Variants in SGK1 observed in about 807,000 individuals in gnomAD.
SGK1 encodes the protein serum/glucocorticoid regulated kinase 1.
Under a neutral mutation model 64.2 loss-of-function variants are expected in SGK1, and 26 were observed. The observed-to-expected ratio is 0.40, with a 90% CI of 0.30 to 0.56. The LOEUF (loss-of-function observed/expected upper bound fraction) is 0.56. Ranked by LOEUF, SGK1 falls within the 20% of genes least tolerant of loss-of-function variation. SGK1 has a pLI of 0.38. For synonymous variants in SGK1, 265 were observed against 239.7 expected (o/e 1.11, Z -0.98); for missense variants, 519 against 645.6 (o/e 0.80, Z 2.12).
At chr6:134,188,576 G>A (rs936195849) in intron 3 of SGK1, among the ~76,000 whole-genome samples, 1 of 152,130 alleles carries the variant, frequency 6.6e-6, no homozygotes, top group Non-Finnish European at 1.5e-5. Context: ...GTTACCCATA[G>A]CATGAGGGTA....
At chr6:134,174,752 C>T in intron 3 of SGK1, 166 bp from the exon 4 acceptor site, 3 of 1,614,202 alleles carry the variant, frequency 1.9e-6, no homozygotes, top group African/African-American at 1.3e-5. Context: ...TGCCACCATG[C>T]CCCTCATCCT....
chr6:134,205,443 C>T (rs891591989), intron 3 of SGK1, among the ~76,000 whole-genome samples: 1 of 151,220 alleles, frequency 6.6e-6, no homozygotes, highest in African/African-American at 2.4e-5. Context: ...AAAAAAAAGC[C>T]ATCAGAAAGT....
intron 1 of SGK1, among the ~76,000 whole-genome samples, chr6:134,304,319 A>G (rs1337963042): frequency 2.0e-5 from 3 of 152,236 alleles, no homozygotes; most frequent in Non-Finnish European, 4.4e-5. Flanking sequence ...TTGCTTTGCA[A>G]TAATAGTAAC....
chr6:134,220,358 G>A (rs1776071147), intron 2 of SGK1, among the ~76,000 whole-genome samples: 1 of 152,100 alleles, frequency 6.6e-6, no homozygotes, highest in Non-Finnish European at 1.5e-5. Context: ...TCTGAGGGAG[G>A]CCAAGTGGCT....
chr6:134,285,477 CAAAAAA>C (rs778766999), intron 1 of SGK1, among the ~76,000 whole-genome samples: 1 of 68,468 alleles, frequency 1.5e-5, no homozygotes. Flanking sequence ...GACTCTGCCT[CAAAAAA>C]AAAAAAAAAA....
At chr6:134,228,035 A>G (rs1426586591) in intron 2 of SGK1, among the ~76,000 whole-genome samples, 4 of 135,512 alleles carry the variant, frequency 3.0e-5, no homozygotes, top group Admixed American at 8.9e-5. Context: ...GCTCACTGCA[A>G]CCTCCACCTC....
intron 1 of SGK1, among the ~76,000 whole-genome samples, chr6:134,315,807 A>G (rs1227171714): frequency 6.6e-6 from 1 of 152,198 alleles, no homozygotes; most frequent in Non-Finnish European, 1.5e-5. Flanking sequence ...TGGGAGGCTG[A>G]GGCAGGAGGA....
chr6:134,278,248 G>A (rs756578151), intron 1 of SGK1, among the ~76,000 whole-genome samples: 1 of 152,156 alleles, frequency 6.6e-6, no homozygotes, highest in Non-Finnish European at 1.5e-5. Context: ...CCATAACTTT[G>A]CATTTCTTCC....
chr6:134,302,939 G>C (rs186205980), intron 1 of SGK1, among the ~76,000 whole-genome samples: 1 of 151,880 alleles, frequency 6.6e-6, no homozygotes, highest in Admixed American at 6.6e-5. Flanking sequence ...GTTTTTAGTC[G>C]AGAAAGGGTT....
At chr6:134,213,643 T>TAATAAATA (rs1554221312) in intron 2 of SGK1, among the ~76,000 whole-genome samples, 304 of 27,854 alleles carry the variant, frequency 0.011, 2 homozygotes, top group South Asian at 0.025. Context: ...AATAAATAAA[T>TAATAAATA]AATAAATAAA....
chr6:134,269,999 G>A (rs574174595), intron 1 of SGK1, among the ~76,000 whole-genome samples: 1 of 147,190 alleles, frequency 6.8e-6, no homozygotes, highest in Admixed American at 6.9e-5. Flanking sequence ...TCAGCTCACT[G>A]CAACCTCCGC....
chr6:134,298,491 T>G (rs1401078107), intron 1 of SGK1: 11 of 811,270 alleles, frequency 1.4e-5, no homozygotes, highest in Non-Finnish European at 2.4e-5. Flanking sequence ...CAGGCTCTGG[T>G]TGACTGTGAC....
chr6:134,208,241 T>G (rs1474780174), intron 2 of SGK1, among the ~76,000 whole-genome samples: 1 of 152,120 alleles, frequency 6.6e-6, no homozygotes, highest in East Asian at 1.9e-4. Context: ...CATAACAGGA[T>G]CTTTATATTC....
At chr6:134,308,862 A>G (rs1777571908) in intron 1 of SGK1, among the ~76,000 whole-genome samples, 1 of 152,168 alleles carries the variant, frequency 6.6e-6, no homozygotes, top group Non-Finnish European at 1.5e-5. Flanking sequence ...CGGCAAGCCT[A>G]GGAATATTTC....
chr6:134,299,291 T>C (rs1777410741), intron 1 of SGK1, among the ~76,000 whole-genome samples: 1 of 151,762 alleles, frequency 6.6e-6, no homozygotes, highest in South Asian at 2.1e-4. Flanking sequence ...CTTGAGCCAG[T>C]GAGGTCGAGG....
intron 1 of SGK1, among the ~76,000 whole-genome samples, chr6:134,264,321 G>A (rs913191710): frequency 2.6e-5 from 4 of 151,734 alleles, no homozygotes; most frequent in Non-Finnish European, 4.4e-5. Flanking sequence ...GGGTTTCATC[G>A]TGTTAGCCAG....
intron 2 of SGK1, among the ~76,000 whole-genome samples, chr6:134,241,187 C>T (rs1199615811): frequency 6.6e-6 from 1 of 151,402 alleles, no homozygotes; most frequent in Non-Finnish European, 1.5e-5. Context: ...GTAGCTGGGA[C>T]TACAGGCATC....
intron 2 of SGK1, chr6:134,261,677 G>A: frequency 1.7e-6 from 1 of 593,282 alleles, no homozygotes; most frequent in South Asian, 2.2e-5. Flanking sequence ...TACGTGCATG[G>A]GGACAAGCGT....
chr6:134,204,472 G>GAA (rs71003675), intron 3 of SGK1, among the ~76,000 whole-genome samples: 160 of 114,786 alleles, frequency 1.4e-3, no homozygotes, highest in African/African-American at 5.2e-3. Context: ...TCCATCTCAG[G>GAA]AAAAAAAAAA....
Sources: gnomAD v4.1 joint callset for allele counts (sites outside exome capture counted in the v4.1 genomes callset) on GRCh38, gnomAD v4.1.1 for gene constraint, MANE v1.5 for transcripts, NCBI Gene and HGNC (gene_info 2026-07-23, HGNC 2026-07-21) for gene names.